MAS1L: variants seen among roughly 807,000 people sequenced by gnomAD.
MAS1L encodes the protein MAS1 proto-oncogene like, G protein-coupled receptor, also known as mas-related G protein-coupled receptor MRG.
For synonymous variants in MAS1L, 160 were observed against 182.9 expected (o/e 0.87, Z 1.01); for missense variants, 441 against 460.1 (o/e 0.96, Z 0.38).
chr6:29,487,210 G>A lies in MAS1L; in HGVS notation c.693C>T (p.Phe231=). The A allele has an allele frequency of 8.1e-6, 13 of 1,614,098 alleles. No individual in the cohort carries two copies. The highest frequency in any genetic ancestry group is 1.1e-5 in the Non-Finnish European group (13 of 1,180,006). ...CVIFLKLSGL[F]HAILSLVMCV... ...ACATCACAAGTGAAAGGATAGCATGGAAGAGCCCAGAAAGCTTTAGAAATA... is the reference window on the plus strand; with the variant it reads ...ACATCACAAGTGAAAGGATAGCATGAAAGAGCCCAGAAAGCTTTAGAAATA... Residue 231 remains phenylalanine (F), a synonymous_variant, in exon 1 of 1, where the codon TTC becomes TTT. Coordinates refer to ENST00000377127, the MANE Select transcript of MAS1L (RefSeq NM_052967.2).
rs1339818481 is a variant in MAS1L, at chr6:29,487,489, A to G, written c.414T>C (p.Tyr138=). 1 of 1,614,070 alleles carries G rather than the reference A, an allele frequency of 6.2e-7. No homozygotes were observed. The highest frequency in any genetic ancestry group is 2.2e-5 in the East Asian group (1 of 44,890). ...VGFLQVTLLT[Y]HGVVFFIPDF... ...CAGGGATAAAAAACACGACTCCATGATAAGTTAGCAGAGTCACCTGTAAGA... is the reference window on the plus strand; with the variant it reads ...CAGGGATAAAAAACACGACTCCATGGTAAGTTAGCAGAGTCACCTGTAAGA... Residue 138 remains tyrosine (Y), a synonymous_variant, in exon 1 of 1, where the codon TAT becomes TAC. Coordinates refer to ENST00000377127, the MANE Select transcript of MAS1L (RefSeq NM_052967.2).
At position 29,486,906 on chromosome 6, in the gene MAS1L, G is replaced by A; in HGVS notation, c.997C>T (p.Leu333Phe). 1 of 1,614,182 alleles carries A rather than the reference G, an allele frequency of 6.2e-7. No individual in the cohort carries two copies. Among genetic ancestry groups the A allele is most frequent in the Admixed American group, 1.7e-5 (1 of 60,028 alleles). The change falls in exon 1 of 1, where the codon CTC becomes TTC. Residue 333 changes from leucine to phenylalanine, a missense_variant. Transcript: ENST00000377127. ...KRLKESLRVI[L>F]QRALADKPEV... ...GGCTTATCTGCTAACGCCCGTTGGA[G>A]AATCACTCTGAGAGATTCCTTCAGC...
chr6:29,487,940 C>T lies in MAS1L; in HGVS notation c.-38G>A, dbSNP rs759708924. 25 of 1,569,322 alleles carry T rather than the reference C, an allele frequency of 1.6e-5. No individual in the cohort carries two copies. In the South Asian group the frequency reaches 2.9e-4, roughly 18 times the overall value. On this transcript the variant is annotated 5_prime_UTR_variant, in exon 1 of 1. The change abolishes the stop of an existing upstream ORF in the 5' untranslated region. Coordinates refer to ENST00000377127, the MANE Select transcript of MAS1L (RefSeq NM_052967.2). Reference sequence around the variant, plus strand: ...CCTGAGTGGGCCACAACATCACAGTCAGGAGCAGTGGTCCATCTAGTGGTG... The same window carrying T: ...CCTGAGTGGGCCACAACATCACAGTTAGGAGCAGTGGTCCATCTAGTGGTG...
In MAS1L at chr6:29,487,316, A is replaced by G; in HGVS notation, c.587T>C (p.Leu196Pro). Residue 196 changes from leucine (L) to proline (P), a missense_variant, in exon 1 of 1, where the codon CTC becomes CCC. By Grantham distance (98) the Leu-to-Pro change is moderately conservative. Transcript: ENST00000377127. ...GATGCAAAAAGGCAGGCCCCAGATG[A>G]GGGTGCAGACAACATTAGATGTGTA... ...PKYTSNVVCT[L>P]IWGLPFCINI... 6.2e-7 allele frequency: 1 copy of G among 1,614,146 alleles called. No individual in the cohort carries two copies. The highest frequency in any genetic ancestry group is 8.5e-7 in the Non-Finnish European group (1 of 1,180,040).
In MAS1L at chr6:29,487,949, TG is replaced by T. The variant is rs1561902204; in HGVS notation, c.-48del. The T allele has an allele frequency of 6.4e-7, 1 of 1,557,126 alleles. No homozygotes were observed. The highest frequency in any genetic ancestry group is 8.7e-7 in the Non-Finnish European group (1 of 1,154,306). On this transcript the variant is annotated 5_prime_UTR_variant, in exon 1 of 1. The change abolishes the stop of an existing upstream ORF in the 5' untranslated region. Coordinates refer to ENST00000377127, the MANE Select transcript of MAS1L (RefSeq NM_052967.2). ...GCCACAACATCACAGTCAGGAGCAGTGGTCCATCTAGTGGTGTCCTCTGGCC... is the reference window on the plus strand; with the variant it reads ...GCCACAACATCACAGTCAGGAGCAGTGTCCATCTAGTGGTGTCCTCTGGCC...
At position 29,487,325 on chromosome 6, in the gene MAS1L, A is replaced by G. The variant is rs1379157553; in HGVS notation, c.578T>C (p.Val193Ala). 6.2e-7 allele frequency: 1 copy of G among 1,614,130 alleles called. No homozygotes were observed. Among genetic ancestry groups the G allele is most frequent in the Admixed American group, 1.7e-5 (1 of 60,028 alleles). Residue 193 changes from valine to alanine, a missense_variant, in exon 1 of 1, where the codon GTC becomes GCC. By Grantham distance (64) the Val-to-Ala change is moderately conservative. Coordinates refer to ENST00000377127, the MANE Select transcript of MAS1L (RefSeq NM_052967.2). ...AGGCAGGCCCCAGATGAGGGTGCAG[A>G]CAACATTAGATGTGTATTTTGGGCG... is the stretch of plus-strand genomic sequence containing the variant. The part of the protein sequence containing the change: ...CHRPKYTSNV[V>A]CTLIWGLPFC...
Position 29,487,344 on chromosome 6 carries a change from T to C in MAS1L, c.559A>G (p.Lys187Glu), listed in dbSNP as rs1443387862. 6 of 1,613,908 alleles carry C rather than the reference T, an allele frequency of 3.7e-6. No individual in the cohort carries two copies. The highest frequency in any genetic ancestry group is 5.1e-6 in the Non-Finnish European group (6 of 1,180,040). ...GTGCAGACAACATTAGATGTGTATT[T>C]TGGGCGGTGGCATCTGTACCAGATG... ...FPIWYRCHRP[K>E]YTSNVVCTLI... is the part of the protein sequence containing the mutation. The change falls in exon 1 of 1, where the codon AAA becomes GAA. Residue 187 changes from lysine (K) to glutamate (E), a missense_variant. Lys to Glu is a moderately conservative substitution (Grantham distance 56). Coordinates refer to ENST00000377127, the MANE Select transcript of MAS1L (RefSeq NM_052967.2).
At position 29,487,767 on chromosome 6, in the gene MAS1L, G is replaced by C; in HGVS notation, c.136C>G (p.Gln46Glu). Residue 46 changes from glutamine to glutamate, a missense_variant, in exon 1 of 1, where the codon CAG becomes GAG. Gln to Glu is a conservative substitution (Grantham distance 29, BLOSUM62 2). Transcript: ENST00000377127. ...QEAQNPNLVS[Q>E]LCGVFLQNET... is the part of the protein sequence containing the mutation. ...TTTTGAAGAAAGACGCCACAGAGCT[G>C]AGATACCAGGTTTGGGTTCTGTGCC... The C allele has an allele frequency of 6.2e-7, 1 of 1,614,266 alleles. No homozygotes were observed. Among genetic ancestry groups the C allele is most frequent in the African/African-American group, 1.3e-5 (1 of 75,066 alleles).
At position 29,486,860 on chromosome 6, in the gene MAS1L, T is replaced by C. The variant is rs745838958; in HGVS notation, c.1043A>G (p.Lys348Arg). The C allele has an allele frequency of 1.2e-6, 2 of 1,614,154 alleles. No individual in the cohort carries two copies. The highest frequency in any genetic ancestry group is 8.5e-7 in the Non-Finnish European group (1 of 1,180,004). ...CTCCATTGGGTCGATGCCAGCTGCC[T>C]TTTTGTTCCTCCCCACCTCTGGCTT... ...ADKPEVGRNK[K>R]AAGIDPMEQP... The change falls in exon 1 of 1, where the codon AAG (lysine) becomes AGG (arginine). Residue 348 changes from lysine to arginine, a missense_variant. Transcript: ENST00000377127.
At position 29,487,106 on chromosome 6, in the gene MAS1L, A is replaced by G. The variant is rs778439231; in HGVS notation, c.797T>C (p.Val266Ala). 6.2e-7 allele frequency: 1 copy of G among 1,614,116 alleles called. No homozygotes were observed. Among genetic ancestry groups the G allele is most frequent in the East Asian group, 2.2e-5 (1 of 44,870 alleles). Residue 266 changes from valine to alanine, a missense_variant, in exon 1 of 1, where the codon GTG becomes GCG. Coordinates refer to ENST00000377127, the MANE Select transcript of MAS1L (RefSeq NM_052967.2). ...TAGGAACATGGGGGCCGAGATCTGC[A>G]CCACCGCATAGACCCTGGTGGCCTT... ...QQKATRVYAVVQISAPMFLLW... is the reference protein window; with the variant it reads ...QQKATRVYAVAQISAPMFLLW...
Position 29,487,382 on chromosome 6 carries a change from C to T in MAS1L, c.521G>A (p.Cys174Tyr), listed in dbSNP as rs748233750. Residue 174 changes from cysteine (C) to tyrosine (Y), a missense_variant, in exon 1 of 1, where the codon TGT becomes TAT. Cys to Tyr is a radical substitution (Grantham distance 194). Coordinates refer to ENST00000377127, the MANE Select transcript of MAS1L (RefSeq NM_052967.2). ...LVAISTERCV[C>Y]VLFPIWYRCH... The stretch of plus-strand genomic sequence containing the variant: ...TCTGTACCAGATGGGGAAGAGGACA[C>T]ACACACACCGCTCTGTGCTGATGGC... The T allele has an allele frequency of 2.5e-6, 4 of 1,614,012 alleles. No homozygotes were observed. In the South Asian group the frequency reaches 4.4e-5, roughly 18 times the overall value.
rs1561900784 is a variant in MAS1L at position 29,487,510 on chromosome 6, T to C, written c.393A>G (p.Leu131=). 2.5e-6 allele frequency: 4 copies of C among 1,614,102 alleles called. No homozygotes were observed. Among genetic ancestry groups the C allele is most frequent in the Non-Finnish European group, 3.4e-6 (4 of 1,180,016 alleles). The change falls in exon 1 of 1, where the codon TTA becomes TTG. Residue 131 remains leucine, a synonymous_variant. Transcript: ENST00000377127. ...IYLCCSAVGF[L]QVTLLTYHGV... ...CATGATAAGTTAGCAGAGTCACCTG[T>C]AAGAACCCCACTGCCGAGCAGCAAA...
Position 29,487,683 on chromosome 6 carries a change from G to C in MAS1L, c.220C>G (p.Pro74Ala). ...MSMAVGQQAL[P>A]LNIIAPKAVL... is the part of the protein sequence containing the mutation. Reference sequence around the variant, plus strand: ...GCCTTGGGGGCAATGATATTCAAGGGCAGGGCCTGCTGTCCCACTGCCATG... The same window carrying C: ...GCCTTGGGGGCAATGATATTCAAGGCCAGGGCCTGCTGTCCCACTGCCATG... Residue 74 changes from proline (P) to alanine (A), a missense_variant, in exon 1 of 1, where the codon CCC (proline) becomes GCC (alanine). Transcript: ENST00000377127. 1 of 1,614,198 alleles carries C rather than the reference G, an allele frequency of 6.2e-7. No homozygotes were observed. Among genetic ancestry groups the C allele is most frequent in the Non-Finnish European group, 8.5e-7 (1 of 1,180,036 alleles).
rs760795567 is a variant in MAS1L, at chr6:29,486,828, G to A, written c.1075C>T (p.His359Tyr). ...AAGIDPMEQP[H>Y]STQHVENLLP... ...AGGTTCTCCACATGCTGAGTAGAGT[G>A]TGGTTGCTCCATTGGGTCGATGCCA... Residue 359 changes from histidine to tyrosine, a missense_variant, in exon 1 of 1, where the codon CAC (histidine) becomes TAC (tyrosine). Physicochemically the swap from His to Tyr is moderately conservative, Grantham distance 83 (BLOSUM62 2). Coordinates refer to ENST00000377127, the MANE Select transcript of MAS1L (RefSeq NM_052967.2). The A allele has an allele frequency of 6.8e-6, 11 of 1,614,172 alleles. No homozygotes were observed. Among genetic ancestry groups the A allele is most frequent in the Admixed American group, 3.3e-5 (2 of 60,026 alleles).
chr6:29,487,775 A>G lies in MAS1L; in HGVS notation c.128T>C (p.Leu43Pro). ...AAAGACGCCACAGAGCTGAGATACC[A>G]GGTTTGGGTTCTGTGCCTCCTGGTC... ...SGDQEAQNPN[L>P]VSQLCGVFLQ... The change falls in exon 1 of 1, where the codon CTG (leucine) becomes CCG (proline). Residue 43 changes from leucine to proline, a missense_variant. By Grantham distance (98) the Leu-to-Pro change is moderately conservative (BLOSUM62 -3). Transcript: ENST00000377127. The G allele has an allele frequency of 6.2e-7, 1 of 1,614,262 alleles. No homozygotes were observed. The highest frequency in any genetic ancestry group is 1.1e-5 in the South Asian group (1 of 91,088).
rs141618302 is a variant in MAS1L, at chr6:29,486,780, C to T, written c.1123G>A (p.Asp375Asn). ...ENLLPREHRV[D>N]VET ...GATGTGGGAAATTATGTTTCCACAT[C>T]GACCCTGTGCTCCCTGGGAAGAAGG... The change falls in exon 1 of 1, where the codon GAT (aspartate) becomes AAT (asparagine). Residue 375 changes from aspartate to asparagine, a missense_variant. By Grantham distance (23) the Asp-to-Asn change is conservative. Coordinates refer to ENST00000377127, the MANE Select transcript of MAS1L (RefSeq NM_052967.2). 2.4e-5 allele frequency: 39 copies of T among 1,611,590 alleles called. No homozygotes were observed. In the African/African-American group the frequency reaches 4.3e-4, roughly 18 times the overall value.
At position 29,487,498 on chromosome 6, in the gene MAS1L, C is replaced by A; in HGVS notation, c.405G>T (p.Leu135=). 6.2e-7 allele frequency: 1 copy of A among 1,614,152 alleles called. No individual in the cohort carries two copies. The highest frequency in any genetic ancestry group is 8.5e-7 in the Non-Finnish European group (1 of 1,180,042). The change falls in exon 1 of 1, where the codon CTG becomes CTT. Residue 135 remains leucine (L), a synonymous_variant. Transcript: ENST00000377127. ...CSAVGFLQVT[L]LTYHGVVFFI... is the part of the protein sequence containing the mutation. The stretch of plus-strand genomic sequence containing the variant: ...AAAACACGACTCCATGATAAGTTAG[C>A]AGAGTCACCTGTAAGAACCCCACTG...
chr6:29,487,390 C>G lies in MAS1L; in HGVS notation c.513G>C (p.Arg171=). The G allele has an allele frequency of 6.2e-7, 1 of 1,613,980 alleles. No homozygotes were observed. The highest frequency in any genetic ancestry group is 8.5e-7 in the Non-Finnish European group (1 of 1,180,022). ...LCLLVAISTE[R]CVCVLFPIWY... The stretch of plus-strand genomic sequence containing the variant: ...AGATGGGGAAGAGGACACACACACA[C>G]CGCTCTGTGCTGATGGCCACCAGGA... Residue 171 remains arginine, a synonymous_variant, in exon 1 of 1, where the codon CGG becomes CGC. Coordinates refer to ENST00000377127, the MANE Select transcript of MAS1L (RefSeq NM_052967.2).
At position 29,487,564 on chromosome 6, in the gene MAS1L, G is replaced by C; in HGVS notation, c.339C>G (p.Leu113=). ...GATNPYMVYI[L]HLVAADVIYL... ...AGATCACGTCAGCAGCGACCAGGTG[G>C]AGGATGTATACCATGTAGGGATTCG... The change falls in exon 1 of 1, where the codon CTC becomes CTG. Residue 113 remains leucine (L), a synonymous_variant. Transcript: ENST00000377127. 6.2e-7 allele frequency: 1 copy of C among 1,614,176 alleles called. No individual in the cohort carries two copies. The highest frequency in any genetic ancestry group is 8.5e-7 in the Non-Finnish European group (1 of 1,180,040).
Sources: allele counts gnomAD v4.1 joint callset, GRCh38; gene constraint gnomAD v4.1.1; transcripts MANE v1.5; gene names NCBI Gene and HGNC (gene_info 2026-07-23, HGNC 2026-07-21).